Variants in EPN2 observed in about 807,000 individuals in gnomAD.
The protein encoded by EPN2 is epsin 2.
Under a neutral mutation model 61.7 loss-of-function variants are expected in EPN2, and 34 were observed. That is an observed-to-expected ratio of 0.55 (90% CI 0.42 to 0.73). The LOEUF is 0.73. Among genes scored for constraint, EPN2 ranks in the 30% least tolerant of loss-of-function variants. The pLI, the probability that EPN2 is intolerant of heterozygous loss-of-function variation, is 0.00. For missense variants in EPN2, 714 were observed against 839.2 expected (o/e 0.85, Z 1.84); for synonymous variants, 349 against 353.6 (o/e 0.99, Z 0.15).
At chr17:19,244,401 G>T (rs896117035) in intron 1 of EPN2, among the ~76,000 whole-genome samples, 1 of 151,890 alleles carries the variant, frequency 6.6e-6, no homozygotes, top group Admixed American at 6.6e-5. Flanking sequence ...GGAGGTTGCA[G>T]TGAGCCGAGA....
intron 1 of EPN2, among the ~76,000 whole-genome samples, chr17:19,253,559 C>G (rs1439704863): frequency 2.6e-5 from 4 of 151,678 alleles, no homozygotes; most frequent in African/African-American, 9.7e-5. Flanking sequence ...GGGCTACAGG[C>G]CTGGCTAATT....
chr17:19,318,549 C>CAAAAAAAAAAAAAAAAAAAAAAAAA (rs58660254), intron 7 of EPN2, among the ~76,000 whole-genome samples: 425 of 24,730 alleles, frequency 0.017, 147 homozygotes, highest in Non-Finnish European at 0.037. Flanking sequence ...GACTCCATCT[C>CAAAAAAAAAAAAAAAAAAAAAAAAA]AAAAAAAAAA....
chr17:19,260,010 A>G (rs1272194450), intron 1 of EPN2, among the ~76,000 whole-genome samples: 3 of 152,104 alleles, frequency 2.0e-5, no homozygotes, highest in Admixed American at 6.5e-5. Flanking sequence ...TGCCCTTTAG[A>G]CTTCCACTGT....
intron 4 of EPN2, among the ~76,000 whole-genome samples, chr17:19,302,003 C>T (rs1905547439): frequency 6.6e-6 from 1 of 152,188 alleles, no homozygotes; most frequent in South Asian, 2.1e-4. Flanking sequence ...CTCATCCTGC[C>T]CCTGGGCGGC....
At chr17:19,309,091 G>A (rs1294365176) in intron 4 of EPN2, among the ~76,000 whole-genome samples, 4 of 151,572 alleles carry the variant, frequency 2.6e-5, no homozygotes, top group Non-Finnish European at 5.9e-5. Flanking sequence ...AAATGGGCGG[G>A]CTTCATTTTC....
In EPN2 at chr17:19,293,370, C is replaced by CA. The variant is rs1050438709; in HGVS notation, c.766+7599dup. ...GGGTGACAAGAGCGAAACTCCATCT[C>CA]AAAAAAAAAAAAAAAAAAAGACAGG... On this transcript the variant is annotated intron_variant, in intron 4 of 10. Transcript: ENST00000314728. Among the ~76,000 whole-genome samples, 493 of 50,518 alleles carry CA rather than the reference C, an allele frequency of 9.8e-3. 2 individuals carry two copies. Among genetic ancestry groups the CA allele is most frequent in the East Asian group, 0.024 (37 of 1,570 alleles). The allele number at this position is 50,518 out of a possible 152,430, so 33.1% of individuals were successfully genotyped here.
intron 1 of EPN2, among the ~76,000 whole-genome samples, chr17:19,263,108 A>G (rs2045160077): frequency 6.6e-6 from 1 of 152,216 alleles, no homozygotes; most frequent in Admixed American, 6.5e-5. Flanking sequence ...CCATCCTGAC[A>G]TAGGCACCCA....
At position 19,296,442 on chromosome 17, in the gene EPN2, C is replaced by T. The variant is rs116867259; in HGVS notation, c.766+10652C>T. Among the ~76,000 whole-genome samples the T allele has an allele frequency of 6.6e-3, 1,001 of 152,052 alleles. 54 individuals carry two copies. The East Asian group carries it at 0.12, about 18-fold the overall frequency. On this transcript the variant is annotated intron_variant, in intron 4 of 10. Transcript: ENST00000314728. ...CTGGGATTACAGACGTGAGCCACTG[C>T]GCCTGGCTCCTGCTAGATTTTTGGT...
chr17:19,270,415 C>G (rs1207159511), intron 1 of EPN2, among the ~76,000 whole-genome samples: 1 of 152,156 alleles, frequency 6.6e-6, no homozygotes, highest in African/African-American at 2.4e-5. Flanking sequence ...GACAATGCCA[C>G]CCACCCCTCT....
At chr17:19,279,451 T>G (rs2045339294) in intron 1 of EPN2, among the ~76,000 whole-genome samples, 1 of 151,938 alleles carries the variant, frequency 6.6e-6, no homozygotes, top group South Asian at 2.1e-4. Context: ...TTTGTTTTTT[T>G]TTTTTGAGAC....
Position 19,242,029 on chromosome 17 carries a change from C to T in EPN2, c.-294+4498C>T, listed in dbSNP as rs139582324. On this transcript the variant is annotated intron_variant, in intron 1 of 10. Transcript: ENST00000314728. ...TTGGGAATTGTGAATAACGAGATTT[C>T]TGGCTCTTTCCTAACCTTAGAACCT... Among the ~76,000 whole-genome samples the T allele has an allele frequency of 2.9e-4, 44 of 151,700 alleles. No individual in the cohort carries two copies. In the East Asian group the frequency reaches 7.8e-3, roughly 27 times the overall value.
At chr17:19,239,824 C>G (rs2044863837) in intron 1 of EPN2, among the ~76,000 whole-genome samples, 2 of 152,166 alleles carry the variant, frequency 1.3e-5, no homozygotes, top group African/African-American at 2.4e-5. Flanking sequence ...GTAAAACTTT[C>G]AAGTGATAAT....
intron 1 of EPN2, among the ~76,000 whole-genome samples, chr17:19,267,557 A>T (rs1188266361): frequency 4.7e-5 from 7 of 150,520 alleles, no homozygotes; most frequent in African/African-American, 4.9e-5. Flanking sequence ...TTTTTTTTTA[A>T]AAAAAGACAG....
At chr17:19,274,218 C>T (rs1052621018) in intron 1 of EPN2, 1 of 152,564 alleles carries the variant, frequency 6.6e-6, no homozygotes, top group Non-Finnish European at 1.5e-5. Context: ...AGTGGCACCC[C>T]CTCAGCTCTG....
chr17:19,273,506 G>C (rs890916537), intron 1 of EPN2, among the ~76,000 whole-genome samples: 1 of 152,016 alleles, frequency 6.6e-6, no homozygotes, highest in Admixed American at 6.6e-5. Context: ...AGTTTTTGGA[G>C]ACTGATAAAT....
At chr17:19,288,997 C>T (rs966681943) in intron 4 of EPN2, among the ~76,000 whole-genome samples, 12 of 151,624 alleles carry the variant, frequency 7.9e-5, no homozygotes, top group African/African-American at 2.9e-4. Flanking sequence ...GCCACTGTCC[C>T]CATCCAGGTG....
chr17:19,283,364 A>T lies in EPN2; in HGVS notation c.245A>T (p.Asp82Val). Residue 82 changes from aspartate to valine, a missense_variant, in exon 3 of 11, where the codon GAC becomes GTC. By Grantham distance (152) the Asp-to-Val change is radical. Around this residue, in one of 2 missense-constraint regions of EPN2, gnomAD observed 304 missense variants for 417.4 expected, o/e 0.73. Transcript: ENST00000314728. The surrounding 1 kb of genome is among the most constrained non-coding windows in gnomAD (Gnocchi z 7.0). ...GTGTACAAGGCGCTGACCCTGCTGG[A>T]CTACCTCATCAAGACAGGCTCCGAA... ...RHVYKALTLL[D>V]YLIKTGSERV... 1.2e-6 allele frequency: 2 copies of T among 1,614,136 alleles called. No individual in the cohort carries two copies. The highest frequency in any genetic ancestry group is 1.7e-6 in the Non-Finnish European group (2 of 1,179,982).
At chr17:19,282,346 A>G (rs1027064565) in intron 2 of EPN2, 1 of 152,184 alleles carries the variant, frequency 6.6e-6, no homozygotes, top group African/African-American at 2.4e-5. Flanking sequence ...TGTCAAGGAG[A>G]ATTTTCTGGA....
chr17:19,327,781 A>G (rs1212070389), intron 7 of EPN2, among the ~76,000 whole-genome samples: 1 of 152,224 alleles, frequency 6.6e-6, no homozygotes, highest in Non-Finnish European at 1.5e-5. Flanking sequence ...TCCCTACAAG[A>G]TAAACTAGAA....
Sources: allele counts gnomAD v4.1 joint callset (sites outside exome capture counted in the v4.1 genomes callset), GRCh38; gene constraint gnomAD v4.1.1; regional missense constraint gnomAD v4.1.1; non-coding constraint Gnocchi (gnomAD v3.1); transcripts MANE v1.5; gene names NCBI Gene and HGNC (gene_info 2026-07-23, HGNC 2026-07-21).